RBL1: variants seen among roughly 807,000 people sequenced by gnomAD.
RBL1 encodes retinoblastoma-like protein 1.
In RBL1, 82 loss-of-function variants were observed where a neutral mutation model predicts 123.0. The ratio of observed to expected loss-of-function variants is 0.67; its 90% CI spans 0.56 to 0.80. The LOEUF (loss-of-function observed/expected upper bound fraction) is 0.80, where lower values mean the gene tolerates loss of function less well. Ranked by LOEUF, RBL1 falls within the 30% of genes least tolerant of loss-of-function variation. The pLI, the probability that RBL1 is intolerant of heterozygous loss-of-function variation, is 0.00. For missense variants in RBL1, 1,171 were observed against 1,299.6 expected (o/e 0.90, Z 1.52); for synonymous variants, 405 against 441.3 (o/e 0.92, Z 1.03).
At position 37,067,486 on chromosome 20, in the gene RBL1, G is replaced by A. The variant is rs80070753; in HGVS notation, c.492-189C>T. On this transcript the variant is annotated intron_variant, in intron 3 of 21. Transcript: ENST00000373664. The stretch of plus-strand genomic sequence containing the variant: ...ACCTGCATAAAATAATCAGAACATA[G>A]GGCTGGGTGTGGTGGCTCATGCCTG... 9.9e-3 allele frequency among the ~76,000 whole-genome samples: 1,512 copies of A among 151,994 alleles called. 25 individuals are homozygous for A. Among genetic ancestry groups the A allele is most frequent in the African/African-American group, 0.035 (1,453 of 41,466 alleles).
At chr20:37,062,035 C>T (rs200721491) in intron 8 of RBL1, 49 bp downstream of exon 8, 5 of 1,527,164 alleles carry the variant, frequency 3.3e-6, no homozygotes, top group Non-Finnish European at 4.4e-6. Context: ...GAATCACACA[C>T]AGAGAGAAAA....
intron 5 of RBL1, 41 bp from the exon 6 acceptor site, chr20:37,066,925 A>G (rs749330174): frequency 1.9e-6 from 3 of 1,596,040 alleles, no homozygotes; most frequent in Non-Finnish European, 2.6e-6. Context: ...AAAAAAAAAT[A>G]GTCAACTTTT....
At chr20:37,009,221 C>T (rs1399773549) in intron 19 of RBL1, among the ~76,000 whole-genome samples, 2 of 152,034 alleles carry the variant, frequency 1.3e-5, no homozygotes, top group South Asian at 2.1e-4. Context: ...GATGGTGTTT[C>T]GCCAGCTGGA....
intron 16 of RBL1, among the ~76,000 whole-genome samples, chr20:37,030,257 G>A (rs372563742): frequency 5.9e-5 from 9 of 152,178 alleles, no homozygotes; most frequent in African/African-American, 2.2e-4. Flanking sequence ...CCAATGAATA[G>A]AATAGAGAGC....
intron 9 of RBL1, among the ~76,000 whole-genome samples, chr20:37,056,500 G>A (rs1472165064): frequency 2.6e-5 from 4 of 151,782 alleles, no homozygotes; most frequent in Admixed American, 1.3e-4. Context: ...GATTATAGGC[G>A]CGCACTACCA....
intron 1 of RBL1, among the ~76,000 whole-genome samples, chr20:37,091,326 C>G (rs1230135298): frequency 6.6e-6 from 1 of 151,574 alleles, no homozygotes; most frequent in Non-Finnish European, 1.5e-5. Context: ...CCACTGCACT[C>G]CAGCCTGCGC....
intron 2 of RBL1, among the ~76,000 whole-genome samples, chr20:37,087,225 C>T (rs995605535): frequency 6.6e-6 from 1 of 152,074 alleles, no homozygotes; most frequent in Non-Finnish European, 1.5e-5. Context: ...GTCCCAGCTA[C>T]TCAGGAGGCT....
intron 1 of RBL1, among the ~76,000 whole-genome samples, chr20:37,089,409 G>A (rs922568692): frequency 3.4e-5 from 5 of 147,924 alleles, no homozygotes; most frequent in African/African-American, 5.0e-5. Context: ...CCAGTAACTC[G>A]GGAGGCTGAG....
chr20:37,009,778 T>C (rs2064124182), intron 19 of RBL1, among the ~76,000 whole-genome samples: 2 of 152,196 alleles, frequency 1.3e-5, no homozygotes, highest in African/African-American at 4.8e-5. Flanking sequence ...TAAGGAGCTA[T>C]ACTTTACTTG....
At chr20:37,056,509 C>T (rs564363556) in intron 9 of RBL1, among the ~76,000 whole-genome samples, 7 of 152,102 alleles carry the variant, frequency 4.6e-5, no homozygotes, top group African/African-American at 1.7e-4. Flanking sequence ...CGCGCACTAC[C>T]ACACCTGGCT....
chr20:37,040,005 G>T (rs1247843496), intron 14 of RBL1, 148 bp downstream of exon 14: 10 of 919,286 alleles, frequency 1.1e-5, no homozygotes, highest in Non-Finnish European at 1.7e-5. Context: ...CTACACAGGG[G>T]TGCTGGCACA....
chr20:37,078,372 T>C (rs185873378), intron 2 of RBL1, among the ~76,000 whole-genome samples: 3 of 152,356 alleles, frequency 2.0e-5, no homozygotes, highest in Admixed American at 2.0e-4. Flanking sequence ...GTATCAATTA[T>C]TACTATGAGG....
Position 37,003,821 on chromosome 20 carries a change from G to A in RBL1, c.2917C>T (p.Pro973Ser), listed in dbSNP as rs774052216. 36 of 1,613,756 alleles carry A rather than the reference G, an allele frequency of 2.2e-5. No homozygotes were observed. The highest frequency in any genetic ancestry group is 3.1e-5 in the Non-Finnish European group (36 of 1,179,904). ...TGGGAAATGCGGCGTGGTGAGCCTG[G>A]CTGTTGTTTAATATGTGGAAAAGGA... ...LSPFPHIKQQ[P>S]GSPRRISQQH... The change falls in exon 21 of 22, where the codon CCA (proline) becomes TCA (serine). Residue 973 changes from proline to serine, a missense_variant. Physicochemically the swap from Pro to Ser is moderately conservative, Grantham distance 74 (BLOSUM62 -1). Transcript: ENST00000373664.
chr20:37,005,894 C>CTTTTTTTTTTTTTTTTTTTTTTTTT (rs1013303071), intron 20 of RBL1, among the ~76,000 whole-genome samples: 5 of 98,142 alleles, frequency 5.1e-5, no homozygotes, highest in Non-Finnish European at 7.5e-5. Flanking sequence ...TTTTTTCTTT[C>CTTTTTTTTTTTTTTTTTTTTTTTTT]TTTTTTTTTT....
chr20:37,095,529 AG>A (rs2065721204), intron 1 of RBL1, among the ~76,000 whole-genome samples: 1 of 152,196 alleles, frequency 6.6e-6, no homozygotes, highest in South Asian at 2.1e-4. Context: ...AAGTGTGGTC[AG>A]GAAGCCTGGG....
intron 14 of RBL1, among the ~76,000 whole-genome samples, chr20:37,038,636 T>C (rs1437216744): frequency 7.7e-4 from 98 of 126,918 alleles, no homozygotes; most frequent in Non-Finnish European, 1.2e-3. Context: ...AGAGTCTCGC[T>C]CTGTCCGCCA....
chr20:37,002,081 T>C (rs925375454), intron 21 of RBL1, among the ~76,000 whole-genome samples: 1 of 152,110 alleles, frequency 6.6e-6, no homozygotes, highest in African/African-American at 2.4e-5. Context: ...TTGCCCAGGC[T>C]GGAGTGCAGG....
intron 14 of RBL1, among the ~76,000 whole-genome samples, chr20:37,037,437 T>G (rs1477246390): frequency 6.6e-6 from 1 of 152,240 alleles, no homozygotes; most frequent in African/African-American, 2.4e-5. Context: ...GCAAGCACAG[T>G]TTAAACTATT....
chr20:37,068,901 C>CG (rs2065228352), intron 2 of RBL1, among the ~76,000 whole-genome samples: 1 of 152,230 alleles, frequency 6.6e-6, no homozygotes, highest in African/African-American at 2.4e-5. Context: ...CATGCTGAGC[C>CG]GAAGCTGGAC....
Sources: gnomAD v4.1 joint callset for allele counts (sites outside exome capture counted in the v4.1 genomes callset) on GRCh38, gnomAD v4.1.1 for gene constraint, MANE v1.5 for transcripts, NCBI Gene and HGNC (gene_info 2026-07-23, HGNC 2026-07-21) for gene names.